Variants in PIN4 observed in about 807,000 individuals in gnomAD.
The protein encoded by PIN4 is peptidyl-prolyl cis-trans isomerase NIMA-interacting 4.
A neutral mutation model predicts 8.3 loss-of-function variants in PIN4; 3 were observed. The observed-to-expected ratio is 0.36, with a 90% CI of 0.16 to 0.93. PIN4 has a LOEUF of 0.93. PIN4 is among the 40% of genes least tolerant of loss of function. PIN4 has a pLI of 0.44. For missense variants in PIN4, 75 were observed against 100.6 expected (o/e 0.75, Z 1.09); for synonymous variants, 18 against 32.5 (o/e 0.55, Z 1.52).
In PIN4 at chrX:72,230,920, G is replaced by A. The variant is rs769732912; in HGVS notation, c.313-31787G>A. Among the ~76,000 whole-genome samples, 9 of 112,205 alleles carry A rather than the reference G, an allele frequency of 8.0e-5. No homozygotes were observed. The South Asian group carries it at 1.1e-3, about 14-fold the overall frequency. On this transcript the variant is annotated intron_variant, in intron 3 of 3. Coordinates refer to the PIN4 transcript ENST00000423432. ...CCCCAAGCTTCAGTGAGCCGAGATCGTGCCACTGCACTCCAGCCTGGGTGA... is the reference window on the plus strand; with the variant it reads ...CCCCAAGCTTCAGTGAGCCGAGATCATGCCACTGCACTCCAGCCTGGGTGA...
intron 3 of PIN4, among the ~76,000 whole-genome samples, chrX:72,244,589 A>C (rs1035186784): frequency 2.7e-5 from 3 of 111,625 alleles, no homozygotes; most frequent in Non-Finnish European, 5.6e-5. Flanking sequence ...TGACCAGTCC[A>C]AGGTCAGACC....
chrX:72,187,034 A>C (rs955620031), intron 2 of PIN4, among the ~76,000 whole-genome samples: 3 of 112,694 alleles, frequency 2.7e-5, no homozygotes, highest in African/African-American at 9.7e-5. Context: ...TTTCTCAGAT[A>C]CCCAGAATTT....
Position 72,198,286 on chromosome X carries a change from A to G in PIN4, c.*760A>G, listed in dbSNP as rs754254826. The G allele has an allele frequency of 1.4e-6, 1 of 705,941 alleles. No individual in the cohort carries two copies. Among genetic ancestry groups the G allele is most frequent in the African/African-American group, 2.3e-5 (1 of 42,603 alleles). The allele number at this position is 705,941 out of a possible 1,213,427, so 58.2% of individuals were successfully genotyped here. A position where few individuals can be genotyped will look rare whatever the true frequency, so the allele number is the denominator to read the frequency against. ...ATATTTATGACATATAAAAAAGTAT[A>G]AAGATTACTAATATAAATACTATAC... On this transcript the variant is annotated 3_prime_UTR_variant, in exon 4 of 4. Transcript: ENST00000373669.
chrX:72,205,278 AGACGTCATTAACCAGCTG>A (rs2042810652), intron 3 of PIN4: 2 of 1,212,087 alleles, frequency 1.7e-6, no homozygotes. Flanking sequence ...CACTAGGCTT[AGACGTCATTAACCAGCTG>A]GACTTGTTTT....
At chrX:72,225,954 CTAAT>C (rs1020907755) in intron 3 of PIN4, among the ~76,000 whole-genome samples, 16 of 111,945 alleles carry the variant, frequency 1.4e-4, no homozygotes, top group African/African-American at 5.2e-4. Context: ...CACAGCCCCT[CTAAT>C]TATCCCTGAG....
At chrX:72,221,821 CCTT>C (rs1442467753) in intron 3 of PIN4, among the ~76,000 whole-genome samples, 1 of 110,246 alleles carries the variant, frequency 9.1e-6, no homozygotes, top group Non-Finnish European at 1.9e-5. Flanking sequence ...CTCATGAAGT[CCTT>C]CTTCTCAATG....
intron 3 of PIN4, among the ~76,000 whole-genome samples, chrX:72,239,796 G>T (rs1602457005): frequency 1.2e-5 from 1 of 84,050 alleles, no homozygotes; most frequent in South Asian, 5.8e-4. Flanking sequence ...AAAAAAAAAA[G>T]GCTGGGTGCA....
chrX:72,204,551 T>C (rs1209961373), intron 3 of PIN4: 2 of 113,015 alleles, frequency 1.8e-5, no homozygotes, highest in Admixed American at 9.4e-5. Flanking sequence ...CCATTTTGGA[T>C]TGGATTAGGG....
chrX:72,251,284 ACTCGGGAGGTGGAG>A (rs2043086331), intron 3 of PIN4, among the ~76,000 whole-genome samples: 1 of 101,816 alleles, frequency 9.8e-6, no homozygotes, highest in Non-Finnish European at 1.9e-5. Flanking sequence ...AATGGCCTGA[ACTCGGGAGGTGGAG>A]CTTGCAGTGA....
intron 3 of PIN4, among the ~76,000 whole-genome samples, chrX:72,211,943 G>T (rs987841212): frequency 2.7e-5 from 3 of 111,191 alleles, no homozygotes; most frequent in African/African-American, 9.8e-5. Flanking sequence ...CCACCTAAAG[G>T]TCTCTCTATA....
intron 3 of PIN4, among the ~76,000 whole-genome samples, chrX:72,212,119 A>G (rs924872271): frequency 9.0e-6 from 1 of 110,514 alleles, no homozygotes; most frequent in Non-Finnish European, 1.9e-5. Flanking sequence ...TACTAAAAAT[A>G]CAAAAAAATT....
chrX:72,218,494 T>C (rs2042900040), intron 3 of PIN4, among the ~76,000 whole-genome samples: 1 of 100,811 alleles, frequency 9.9e-6, no homozygotes, highest in South Asian at 5.0e-4. Flanking sequence ...AATTTCTTTC[T>C]CTTTTTTTTT....
intron 3 of PIN4, among the ~76,000 whole-genome samples, chrX:72,242,589 A>T (rs1372451539): frequency 8.9e-6 from 1 of 112,713 alleles, no homozygotes; most frequent in East Asian, 2.8e-4. Context: ...AATAGTTACT[A>T]CTATATCCCT....
Position 72,247,149 on chromosome X carries a change from G to T in PIN4, c.313-15558G>T, listed in dbSNP as rs73624224. Among the ~76,000 whole-genome samples the T allele has an allele frequency of 2.0e-3, 219 of 111,436 alleles. 1 individual carries two copies. The highest frequency in any genetic ancestry group is 6.7e-3 in the African/African-American group (207 of 30,680). On this transcript the variant is annotated intron_variant, in intron 3 of 3. Coordinates refer to the PIN4 transcript ENST00000423432. Reference sequence around the variant, plus strand: ...ACCAGAAATCAGGGAAGTGGGGAGGGCCAAGCATACCCATCCCAGCCACTT... The same window carrying T: ...ACCAGAAATCAGGGAAGTGGGGAGGTCCAAGCATACCCATCCCAGCCACTT...
chrX:72,225,418 C>T (rs1384461714), intron 3 of PIN4, among the ~76,000 whole-genome samples: 1 of 111,674 alleles, frequency 9.0e-6, no homozygotes, highest in Non-Finnish European at 1.9e-5. Context: ...CAACACACCA[C>T]CAGGCTTTTA....
chrX:72,202,993 TG>T (rs1158286531), downstream of PIN4, among the ~76,000 whole-genome samples: 2 of 111,725 alleles, frequency 1.8e-5, no homozygotes, highest in Non-Finnish European at 3.8e-5. Flanking sequence ...GGATGGGGGC[TG>T]GTCACCAGAA....
rs2042697671 is a variant in PIN4 at position 72,185,363 on chromosome X, C to T, written c.44-1098C>T. On this transcript the variant is annotated intron_variant, in intron 1 of 3. Transcript: ENST00000373669. ...TTTCCCCCATTCTGGAGTGTCTCCT[C>T]ATCCTTTCTTTGGCTAACCAGCTCC... is the stretch of plus-strand genomic sequence containing the variant. Among the ~76,000 whole-genome samples, 3 of 110,034 alleles carry T rather than the reference C, an allele frequency of 2.7e-5. No homozygotes were observed. The Admixed American group carries it at 2.9e-4, about 11-fold the overall frequency.
chrX:72,219,771 C>T (rs763358493), intron 3 of PIN4, among the ~76,000 whole-genome samples: 1 of 108,800 alleles, frequency 9.2e-6, no homozygotes, highest in Non-Finnish European at 1.9e-5. Flanking sequence ...ATCACTTGAA[C>T]CCGGGAGGCA....
intron 3 of PIN4, among the ~76,000 whole-genome samples, chrX:72,212,206 G>C (rs2042859265): frequency 9.1e-6 from 1 of 110,363 alleles, no homozygotes; most frequent in Non-Finnish European, 1.9e-5. Flanking sequence ...GAAAGGCGGG[G>C]GTTGCAGTGA....
Sources: gnomAD v4.1 joint callset for allele counts (sites outside exome capture counted in the v4.1 genomes callset) on GRCh38, gnomAD v4.1.1 for gene constraint, MANE v1.5 for transcripts, NCBI Gene and HGNC (gene_info 2026-07-23, HGNC 2026-07-21) for gene names.